The following PTCH2 variants were observed in gnomAD, a reference collection of about 807,000 sequenced individuals.
PTCH2 encodes the protein protein patched homolog 2.
Under a neutral mutation model 117.9 loss-of-function variants are expected in PTCH2, and 96 were observed. The observed-to-expected ratio is 0.81, with a 90% CI of 0.69 to 0.96. The LOEUF (loss-of-function observed/expected upper bound fraction) is 0.96, where lower values mean the gene tolerates loss of function less well. Among genes scored for constraint, PTCH2 ranks in the 50% least tolerant of loss-of-function variants. The pLI, the probability that PTCH2 is intolerant of heterozygous loss-of-function variation, is 0.00. For missense variants in PTCH2, 1,379 were observed against 1,562.5 expected, an observed-to-expected ratio of 0.88 and a Z score of 1.98; for synonymous variants, 615 against 660.9, an observed-to-expected ratio of 0.93 and a Z score of 1.06.
At chr1:44,828,252 C>A (rs935270973) in intron 13 of PTCH2, 44 bp downstream of exon 13, 1 of 1,612,782 alleles carries the variant, frequency 6.2e-7, no homozygotes. Context: ...AGGGGACAGG[C>A]TGGCGTGGGT....
chr1:44,826,176 T>C lies in PTCH2; in HGVS notation c.3114+74A>G, dbSNP rs1653133261. The C allele has an allele frequency of 8.3e-6, 13 of 1,557,682 alleles. No homozygotes were observed. Among genetic ancestry groups the C allele is most frequent in the Non-Finnish European group, 1.1e-5 (13 of 1,146,586 alleles). On this transcript the variant is annotated intron_variant, in intron 19 of 21. Transcript: ENST00000372192. This position sits in a 1 kb window ranked among gnomAD's most constrained non-coding sequence, Gnocchi z 5.1. ...AAATTCTTAAATAGTACCTAGCACA[T>C]AGTAGGGGCTTGAACAATATGTGTT...
At chr1:44,821,576 C>T (rs1573637284), downstream of PTCH2, among the ~76,000 whole-genome samples, 1 of 152,204 alleles carries the variant, frequency 6.6e-6, no homozygotes, top group Non-Finnish European at 1.5e-5. Context: ...GCCCCTCTGC[C>T]TTGCCGTTTC....
chr1:44,828,882 G>A (rs1347718882), intron 11 of PTCH2, 100 bp downstream of exon 11: 3 of 1,338,248 alleles, frequency 2.2e-6, no homozygotes, highest in East Asian at 5.0e-5. Flanking sequence ...GGGGACAAGA[G>A]GCACCGAGGT....
At chr1:44,841,268 A>G (rs1443075626) in intron 2 of PTCH2, among the ~76,000 whole-genome samples, 1 of 149,496 alleles carries the variant, frequency 6.7e-6, no homozygotes, top group Non-Finnish European at 1.5e-5. Flanking sequence ...ATTTGATTCC[A>G]TCTGACCCTG....
rs2148876304 is a variant in PTCH2 at position 44,828,403 on chromosome 1, C to A, written c.1602G>T (p.Val534=). 5.0e-6 allele frequency: 8 copies of A among 1,614,152 alleles called. No individual in the cohort carries two copies. Among genetic ancestry groups the A allele is most frequent in the Non-Finnish European group, 6.8e-6 (8 of 1,180,036 alleles). Residue 534 remains valine (V), a synonymous_variant, in exon 13 of 22, where the codon GTG becomes GTT. Transcript: ENST00000372192. The part of the protein sequence containing the change: ...LRAFSLQAAI[V]VGCTFVAVML... ...TCACGGCTACAAAGGTGCAGCCAACCACTATGGCCGCCTGGGGGACGGACA... is the reference window on the plus strand; with the variant it reads ...TCACGGCTACAAAGGTGCAGCCAACAACTATGGCCGCCTGGGGGACGGACA...
rs1330247561 is a variant in PTCH2, at chr1:44,832,151, C to T, written c.455+1G>A. 2 of 1,614,194 alleles carry T rather than the reference C, an allele frequency of 1.2e-6. No individual in the cohort carries two copies. The highest frequency in any genetic ancestry group is 1.1e-5 in the South Asian group (1 of 91,082). ...CTGCTCAGGGGCTCAGCCAGACTCA[C>T]TTCCCATAGAGTGATACTTGGACTT... On this transcript the variant is annotated splice_donor_variant, in intron 3 of 21. Coordinates refer to ENST00000372192, the MANE Select transcript of PTCH2 (RefSeq NM_003738.5). LOFTEE classifies it high-confidence loss of function.
chr1:44,832,505 C>A (rs1653503142), intron 2 of PTCH2, among the ~76,000 whole-genome samples, 164 bp from the exon 3 acceptor site: 1 of 152,218 alleles, frequency 6.6e-6, no homozygotes, highest in Non-Finnish European at 1.5e-5. Flanking sequence ...CAGGCCGACT[C>A]CCCAGGCTTC....
chr1:44,830,676 T>G (rs1016309785), intron 6 of PTCH2, among the ~76,000 whole-genome samples, 172 bp downstream of exon 6: 2 of 148,960 alleles, frequency 1.3e-5, no homozygotes, highest in African/African-American at 5.0e-5. Context: ...CTCCGTAGGA[T>G]AACTGAATGG....
chr1:44,827,130 C>T (rs1653188724), intron 16 of PTCH2, 37 bp downstream of exon 16: 1 of 1,613,988 alleles, frequency 6.2e-7, no homozygotes, highest in Non-Finnish European at 8.5e-7. Context: ...AGGCCTGCAG[C>T]CCCTGTACTA....
downstream of PTCH2, chr1:44,820,472 C>G (rs1652868681): frequency 1.5e-6 from 1 of 684,214 alleles, no homozygotes; most frequent in African/African-American, 1.8e-5. Flanking sequence ...GCACTGGGAC[C>G]TCACAGGAGG....
chr1:44,835,946 T>C (rs1348588593), intron 2 of PTCH2, among the ~76,000 whole-genome samples: 2 of 152,114 alleles, frequency 1.3e-5, no homozygotes, highest in South Asian at 2.1e-4. Flanking sequence ...CTATGGAGTT[T>C]ATATTTGATT....
At chr1:44,832,096 C>T (rs891317527) in intron 3 of PTCH2, 52 bp from the exon 4 acceptor site, 3 of 1,611,902 alleles carry the variant, frequency 1.9e-6, no homozygotes, top group Admixed American at 3.3e-5. Flanking sequence ...ATTCCCACTC[C>T]AGAACCCCCA....
In PTCH2 at chr1:44,831,810, C is replaced by A; in HGVS notation, c.526-13G>T. On this transcript the variant is annotated splice_polypyrimidine_tract_variant and intron_variant, in intron 4 of 21. Coordinates refer to ENST00000372192, the MANE Select transcript of PTCH2 (RefSeq NM_003738.5). This position sits in a 1 kb window ranked among gnomAD's most constrained non-coding sequence, Gnocchi z 4.3. Reference sequence around the variant, plus strand: ...GCTTCTCAATCATCTGCCAGGGATACCCCGGGCCACGTCAGTCCTGCCCCA... The same window carrying A: ...GCTTCTCAATCATCTGCCAGGGATAACCCGGGCCACGTCAGTCCTGCCCCA... The A allele has an allele frequency of 6.2e-7, 1 of 1,609,920 alleles. No homozygotes were observed. Among genetic ancestry groups the A allele is most frequent in the Non-Finnish European group, 8.5e-7 (1 of 1,177,382 alleles).
rs1303226809 is a variant in PTCH2, at chr1:44,829,581, C to T, written c.1083+33G>A. 4 of 1,614,196 alleles carry T rather than the reference C, an allele frequency of 2.5e-6. No homozygotes were observed. The African/African-American group carries it at 4.0e-5, about 16-fold the overall frequency. On this transcript the variant is annotated intron_variant, in intron 8 of 21. Coordinates refer to ENST00000372192, the MANE Select transcript of PTCH2 (RefSeq NM_003738.5). Reference sequence around the variant, plus strand: ...AGGGGGCAGGAGGAGGGAATGGCCTCAGGGCACCCCCCTTGTCCTTGTCCA... The same window carrying T: ...AGGGGGCAGGAGGAGGGAATGGCCTTAGGGCACCCCCCTTGTCCTTGTCCA...
Position 44,822,657 on chromosome 1 carries a change from A to G in PTCH2, c.3370T>C (p.Tyr1124His). Reference protein sequence around the residue: ...LGPPPEVIQMYKESPEILSPP... With the variant: ...LGPPPEVIQMHKESPEILSPP... ...CTCAGGATCTCTGGGCTTTCCTTGTACATCTGTATCACCTGTGGGGAGACA... is the reference window on the plus strand; with the variant it reads ...CTCAGGATCTCTGGGCTTTCCTTGTGCATCTGTATCACCTGTGGGGAGACA... The change falls in exon 22 of 22, where the codon TAC (tyrosine) becomes CAC (histidine). Residue 1124 changes from tyrosine to histidine, a missense_variant. Tyr to His is a moderately conservative substitution (Grantham distance 83, BLOSUM62 2). Transcript: ENST00000372192. 6.2e-7 allele frequency: 1 copy of G among 1,613,710 alleles called. No individual in the cohort carries two copies. The highest frequency in any genetic ancestry group is 8.5e-7 in the Non-Finnish European group (1 of 1,179,824).
Position 44,838,732 on chromosome 1 carries a change from T to C in PTCH2, c.265+3115A>G, listed in dbSNP as rs115723584. 3.7e-3 allele frequency among the ~76,000 whole-genome samples: 557 copies of C among 150,960 alleles called. 3 individuals carry two copies. The highest frequency in any genetic ancestry group is 0.012 in the African/African-American group (503 of 41,382). On this transcript the variant is annotated intron_variant, in intron 2 of 21. Transcript: ENST00000372192. Reference sequence around the variant, plus strand: ...GCTTAATCTTTCTTTTTCTTTTCTTTTTTTTTTTTTTTGAGTCTCGCTCTG... The same window carrying C: ...GCTTAATCTTTCTTTTTCTTTTCTTCTTTTTTTTTTTTGAGTCTCGCTCTG...
In PTCH2 at chr1:44,822,523, G is replaced by T. The variant is rs372865581; in HGVS notation, c.3504C>A (p.Pro1168=). The T allele has an allele frequency of 3.4e-5, 55 of 1,613,912 alleles. No individual in the cohort carries two copies. The highest frequency in any genetic ancestry group is 2.3e-4 in the Admixed American group (14 of 59,998). Residue 1168 remains proline, a synonymous_variant, in exon 22 of 22, where the codon CCC becomes CCA. Transcript: ENST00000372192. ...CTGGATGGATGTAGGCACCAGGCAG[G>T]GGGGGTGGGTGGATGGCCACGGTCA... ...TSMTVAIHPP[P]LPGAYIHPAP...
rs1326034989 is a variant in PTCH2 at position 44,832,242 on chromosome 1, T to G, written c.365A>C (p.Glu122Ala). 6.2e-7 allele frequency: 1 copy of G among 1,614,174 alleles called. No homozygotes were observed. Among genetic ancestry groups the G allele is most frequent in the Non-Finnish European group, 8.5e-7 (1 of 1,180,028 alleles). Residue 122 changes from glutamate (E) to alanine (A), a missense_variant, in exon 3 of 22, where the codon GAG becomes GCG. Physicochemically the swap from Glu to Ala is moderately radical, Grantham distance 107. Transcript: ENST00000372192. ...TTCGGGTGTGAGGATGTTCTCTCCC[T>G]CCTGGCGTGCGGTCTGTATCAGCAT... ...SQMLIQTARQ[E>A]GENILTPEAL...
chr1:44,827,893 G>A lies in PTCH2; in HGVS notation c.2008C>T (p.His670Tyr). Residue 670 changes from histidine to tyrosine, a missense_variant, in exon 14 of 22, where the codon CAT becomes TAT. Coordinates refer to ENST00000372192, the MANE Select transcript of PTCH2 (RefSeq NM_003738.5). The part of the protein sequence containing the change: ...SLPCARWNLA[H>Y]FARYQFAPLL... ...GGGGCAAACTGATAGCGGGCGAAATGGGCAAGATTCCAGCGGGCACAGGGC... is the reference window on the plus strand; with the variant it reads ...GGGGCAAACTGATAGCGGGCGAAATAGGCAAGATTCCAGCGGGCACAGGGC... 5 of 1,614,196 alleles carry A rather than the reference G, an allele frequency of 3.1e-6. No homozygotes were observed. The highest frequency in any genetic ancestry group is 4.5e-5 in the East Asian group (2 of 44,886).
Sources: gnomAD v4.1 joint callset for allele counts (sites outside exome capture counted in the v4.1 genomes callset) on GRCh38, gnomAD v4.1.1 for gene constraint, Gnocchi (gnomAD v3.1) non-coding constraint, MANE v1.5 for transcripts, NCBI Gene and HGNC (gene_info 2026-07-23, HGNC 2026-07-21) for gene names.